Variants in SSPN observed in about 807,000 individuals in gnomAD.
The protein encoded by SSPN is sarcospan.
SSPN carries 15 observed loss-of-function variants against 19.1 expected under a neutral mutation model. The ratio of observed to expected loss-of-function variants is 0.78; its 90% CI spans 0.52 to 1.21. SSPN has a LOEUF of 1.21. Among genes scored for constraint, SSPN ranks in the 50% most tolerant of loss-of-function variants. The probability of loss-of-function intolerance (pLI) is 0.00; values close to 1 mark genes in which losing one functional copy is unlikely to be tolerated. For synonymous variants in SSPN, 147 were observed against 140.3 expected (o/e 1.05, Z -0.34); for missense variants, 291 against 314.0 (o/e 0.93, Z 0.55).
chr12:26,123,953 A>G, intron 1 of SSPN: 2 of 821,354 alleles, frequency 2.4e-6, no homozygotes, highest in South Asian at 3.0e-5. Context: ...TCTGTACGGT[A>G]TAGCACAAGT....
rs921240920 is a variant in SSPN at position 26,232,518 on chromosome 12, C to T, written c.*1442C>T. The T allele has an allele frequency of 5.7e-5, 56 of 985,174 alleles. No individual in the cohort carries two copies. Among genetic ancestry groups the T allele is most frequent in the South Asian group, 1.4e-4 (3 of 21,286 alleles). The allele number at this position is 985,174 out of a possible 1,614,324, so 61.0% of individuals were successfully genotyped here. ...ATTAAGATAATAATTGAGTTCAATTCGCCTCTCCGCATTGCCTATTGATAC... is the reference window on the plus strand; with the variant it reads ...ATTAAGATAATAATTGAGTTCAATTTGCCTCTCCGCATTGCCTATTGATAC... On this transcript the variant is annotated 3_prime_UTR_variant, in exon 3 of 3. Transcript: ENST00000242729.
At chr12:26,142,884 A>G (rs1050535036) in intron 1 of SSPN, among the ~76,000 whole-genome samples, 151 of 152,312 alleles carry the variant, frequency 9.9e-4, no homozygotes, top group East Asian at 1.9e-4. Context: ...TGTACATGCA[A>G]TTTAGTGAGA....
At chr12:26,123,199 C>G (rs770966047) in intron 1 of SSPN, 1 of 1,551,472 alleles carries the variant, frequency 6.4e-7, no homozygotes, top group Admixed American at 1.9e-5. Context: ...GGGTGGGGGA[C>G]GGAGGAGTGG....
At chr12:26,187,411 T>C (rs1389560992) in intron 1 of SSPN, among the ~76,000 whole-genome samples, 1 of 152,244 alleles carries the variant, frequency 6.6e-6, no homozygotes, top group African/African-American at 2.4e-5. Context: ...TCTGACTAAA[T>C]GTAGCTTAAT....
chr12:26,122,690 C>G (rs569292168), intron 1 of SSPN: 32 of 1,558,646 alleles, frequency 2.1e-5, no homozygotes, highest in South Asian at 5.8e-5. Context: ...TCTTGGGCGC[C>G]GGCGAGTCCT....
At chr12:26,194,627 G>T (rs545886031), upstream of SSPN, among the ~76,000 whole-genome samples, 4 of 152,160 alleles carry the variant, frequency 2.6e-5, no homozygotes, top group African/African-American at 4.8e-5. Flanking sequence ...CTTGTGATCC[G>T]CCCACCTCGG....
chr12:26,156,291 G>A (rs1419139754), intron 1 of SSPN, among the ~76,000 whole-genome samples: 3 of 152,138 alleles, frequency 2.0e-5, no homozygotes, highest in Non-Finnish European at 4.4e-5. Flanking sequence ...GATTAGAACC[G>A]CTGTCTGCAG....
intron 1 of SSPN, among the ~76,000 whole-genome samples, chr12:26,210,512 G>C (rs1047941824): frequency 6.6e-5 from 10 of 150,946 alleles, no homozygotes; most frequent in African/African-American, 1.9e-4. Flanking sequence ...CTCTCTCTGT[G>C]TCTCTCTCTC....
intron 1 of SSPN, among the ~76,000 whole-genome samples, chr12:26,220,746 A>T (rs1302444121): frequency 6.6e-6 from 1 of 151,980 alleles, no homozygotes; most frequent in Non-Finnish European, 1.5e-5. Context: ...TTTCTATCTT[A>T]TCTCATTAAA....
intron 2 of SSPN, among the ~76,000 whole-genome samples, chr12:26,228,781 C>G (rs1045432730): frequency 6.6e-6 from 1 of 152,054 alleles, no homozygotes; most frequent in African/African-American, 2.4e-5. Flanking sequence ...ATATTCTTCC[C>G]CATTGGTTCT....
chr12:26,204,526 G>GTATCT (rs77794383), intron 1 of SSPN, among the ~76,000 whole-genome samples: 94,344 of 151,836 alleles, frequency 0.62, 29,702 homozygotes, highest in Admixed American at 0.71. Flanking sequence ...CTGATGCAAA[G>GTATCT]GTGGCTGGCT....
rs761858498 is a variant in SSPN at position 26,122,499 on chromosome 12, T to G, written c.-31+347T>G. 1.1e-5 allele frequency: 15 copies of G among 1,312,542 alleles called. No homozygotes were observed. Among genetic ancestry groups the G allele is most frequent in the Middle Eastern group, 5.7e-4 (2 of 3,512 alleles). The allele number at this position is 1,312,542 out of a possible 1,614,324, so 81.3% of individuals were successfully genotyped here. A position where few individuals can be genotyped will look rare whatever the true frequency, so the allele number is the denominator to read the frequency against. On this transcript the variant is annotated intron_variant, in intron 1 of 2. Coordinates refer to the SSPN transcript ENST00000538142. ...GAAGGGGGCCGCGGCGGCCGCGGGC[T>G]GCGGGAAGGGCGCGCCTCCGCCTCC...
chr12:26,191,677 TACACAC>T (rs10525695), upstream of SSPN, among the ~76,000 whole-genome samples: 7,989 of 148,890 alleles, frequency 0.054, 242 homozygotes, highest in South Asian at 0.089. Flanking sequence ...TAATTTGTTC[TACACAC>T]ACACACACAC....
chr12:26,124,827 C>T, intron 1 of SSPN: 1 of 1,592,948 alleles, frequency 6.3e-7, no homozygotes, highest in Non-Finnish European at 8.6e-7. Flanking sequence ...GGGCTCTGTA[C>T]AATAATCTGT....
At chr12:26,130,898 C>G (rs1565667879) in intron 1 of SSPN, among the ~76,000 whole-genome samples, 1 of 145,676 alleles carries the variant, frequency 6.9e-6, no homozygotes, top group Non-Finnish European at 1.5e-5. Flanking sequence ...TCTTAAGGAG[C>G]TTTTTTTTTT....
intron 1 of SSPN, among the ~76,000 whole-genome samples, chr12:26,215,247 C>T (rs1025874177): frequency 3.3e-5 from 5 of 152,186 alleles, no homozygotes; most frequent in Non-Finnish European, 5.9e-5. Flanking sequence ...AACCATTCTT[C>T]CTCTATTCCC....
At chr12:26,201,037 A>AT (rs1944878037) in intron 1 of SSPN, among the ~76,000 whole-genome samples, 14 of 60,636 alleles carry the variant, frequency 2.3e-4, no homozygotes, top group African/African-American at 8.0e-4. Context: ...ATATATATAT[A>AT]TATATATATT....
intron 1 of SSPN, chr12:26,214,583 G>C (rs1432405221): frequency 6.6e-6 from 1 of 152,164 alleles, no homozygotes; most frequent in African/African-American, 2.4e-5. Context: ...TAATGCCCAT[G>C]TTCTTACCAC....
At chr12:26,141,055 A>G (rs1054256482) in intron 1 of SSPN, among the ~76,000 whole-genome samples, 2 of 152,236 alleles carry the variant, frequency 1.3e-5, no homozygotes, top group Admixed American at 6.5e-5. Context: ...TCCATGTCCT[A>G]ATCCCTGGAA....
Sources: gnomAD v4.1 joint callset for allele counts (sites outside exome capture counted in the v4.1 genomes callset) on GRCh38, gnomAD v4.1.1 for gene constraint, MANE v1.5 for transcripts, NCBI Gene and HGNC (gene_info 2026-07-23, HGNC 2026-07-21) for gene names.